Variants in MLYCD observed in about 807,000 individuals in gnomAD.
MLYCD encodes malonyl-CoA decarboxylase.
Under a neutral mutation model 35.8 loss-of-function variants are expected in MLYCD, and 27 were observed. The observed-to-expected ratio is 0.75, with a 90% CI of 0.56 to 1.04. MLYCD has a LOEUF of 1.04. Ranked by LOEUF, MLYCD falls within the 50% of genes least tolerant of loss-of-function variation. MLYCD has a pLI of 0.00. For missense variants in MLYCD, 917 were observed against 665.1 expected (o/e 1.38, Z -4.17); for synonymous variants, 403 against 302.4 (o/e 1.33, Z -3.45).
At chr16:83,899,924 AG>A (rs1379008439) in intron 1 of MLYCD, among the ~76,000 whole-genome samples, 16 of 152,346 alleles carry the variant, frequency 1.1e-4, no homozygotes, top group African/African-American at 3.8e-4. Context: ...CTAAATACTC[AG>A]CACTTGGTGG....
chr16:83,915,776 G>C lies in MLYCD; in HGVS notation c.*287G>C. 2.3e-6 allele frequency: 3 copies of C among 1,321,746 alleles called. No homozygotes were observed. Among genetic ancestry groups the C allele is most frequent in the Non-Finnish European group, 2.9e-6 (3 of 1,028,336 alleles). The allele number at this position is 1,321,746 out of a possible 1,614,324, so 81.9% of individuals were successfully genotyped here. A position where few individuals can be genotyped will look rare whatever the true frequency, so the allele number is the denominator to read the frequency against. On this transcript the variant is annotated 3_prime_UTR_variant, in exon 5 of 5. Coordinates refer to ENST00000262430, the MANE Select transcript of MLYCD (RefSeq NM_012213.3). ...GCCCTTGGCCTGGCTCCCTGCCCGG[G>C]GCTGGTGCTGTGGTACCTACATCTT... is the stretch of plus-strand genomic sequence containing the variant.
In MLYCD at chr16:83,917,366, T is replaced by TGTGCATGTGCACAC. The variant is rs1381204674; in HGVS notation, c.*1889_*1902dup. ...GAGCGTCTCTGGATCAGTGCACGTC[T>TGTGCATGTGCACAC]GTGCATGTGCACACGTGCATGTGCA... On this transcript the variant is annotated 3_prime_UTR_variant, in exon 5 of 5. Transcript: ENST00000262430. The TGTGCATGTGCACAC allele has an allele frequency of 1.9e-5, 3 of 154,546 alleles. No homozygotes were observed. Among genetic ancestry groups the TGTGCATGTGCACAC allele is most frequent in the Admixed American group, 1.3e-4 (2 of 15,298 alleles). 9.6% of individuals were successfully genotyped at this position (154,546 alleles called of 1,614,324 possible).
intron 4 of MLYCD, chr16:83,912,586 C>A: frequency 1.6e-6 from 1 of 612,540 alleles, no homozygotes; most frequent in Non-Finnish European, 2.9e-6. Flanking sequence ...TCCAACCCAG[C>A]TGCCCAGTTG....
intron 3 of MLYCD, among the ~76,000 whole-genome samples, chr16:83,909,396 G>T (rs531393189): frequency 6.6e-6 from 1 of 152,192 alleles, no homozygotes; most frequent in Non-Finnish European, 1.5e-5. Flanking sequence ...GTGTACATCA[G>T]ATATCTGTGC....
At position 83,912,501 on chromosome 16, in the gene MLYCD, G is replaced by T. The variant is rs79878226; in HGVS notation, c.948+134G>T. 3,963 of 1,262,352 alleles carry T rather than the reference G, an allele frequency of 3.1e-3. 60 individuals are homozygous for T. The African/African-American group carries it at 0.04, about 13-fold the overall frequency. 78.2% of individuals were successfully genotyped at this position (1,262,352 alleles called of 1,614,324 possible). ...AAAGGGAGGGGCAGGGGGTAGAAAA[G>T]GTGCCAGAGACCCCTTGGCAACTCC... On this transcript the variant is annotated intron_variant, in intron 4 of 4. Coordinates refer to ENST00000262430, the MANE Select transcript of MLYCD (RefSeq NM_012213.3).
At position 83,915,228 on chromosome 16, in the gene MLYCD, T is replaced by C; in HGVS notation, c.1221T>C (p.Tyr407=). 2.5e-6 allele frequency: 4 copies of C among 1,613,650 alleles called. No individual in the cohort carries two copies. Among genetic ancestry groups the C allele is most frequent in the Non-Finnish European group, 3.4e-6 (4 of 1,179,598 alleles). ...PLMRLCAWYL[Y]GEKHRGYALN... is the part of the protein sequence containing the mutation. Reference sequence around the variant, plus strand: ...TGAGGCTGTGCGCCTGGTACCTGTATGGAGAGAAGCACCGCGGCTACGCGC... The same window carrying C: ...TGAGGCTGTGCGCCTGGTACCTGTACGGAGAGAAGCACCGCGGCTACGCGC... Residue 407 remains tyrosine (Y), a synonymous_variant, in exon 5 of 5, where the codon TAT becomes TAC. Transcript: ENST00000262430.
Position 83,915,315 on chromosome 16 carries a change from G to A in MLYCD, c.1308G>A (p.Met436Ile). ...NGAVLWRINW[M>I]ADVSLRGITG... ...CGGTGCTGTGGCGCATCAACTGGATGGCGGATGTGAGCCTCAGAGGCATCA... is the reference window on the plus strand; with the variant it reads ...CGGTGCTGTGGCGCATCAACTGGATAGCGGATGTGAGCCTCAGAGGCATCA... Residue 436 changes from methionine to isoleucine, a missense_variant, in exon 5 of 5, where the codon ATG (methionine) becomes ATA (isoleucine). Physicochemically the swap from Met to Ile is conservative, Grantham distance 10. Transcript: ENST00000262430. The A allele has an allele frequency of 6.2e-7, 1 of 1,614,008 alleles. No homozygotes were observed. Among genetic ancestry groups the A allele is most frequent in the Non-Finnish European group, 8.5e-7 (1 of 1,179,982 alleles).
chr16:83,904,213 A>G (rs1014599906), intron 1 of MLYCD, among the ~76,000 whole-genome samples: 4 of 152,300 alleles, frequency 2.6e-5, no homozygotes, highest in Non-Finnish European at 4.4e-5. Context: ...TAAGACAGAT[A>G]CCAGTACCTC....
In MLYCD at chr16:83,926,199, G is replaced by C. The variant is rs1364248564; in HGVS notation, c.*10710G>C. 1 of 152,408 alleles carries C rather than the reference G, an allele frequency of 6.6e-6. No homozygotes were observed. The highest frequency in any genetic ancestry group is 1.5e-5 in the Non-Finnish European group (1 of 68,206). 9.4% of individuals were successfully genotyped at this position (152,408 alleles called of 1,614,324 possible). ...CCCTGCCGCTGGGGGTGCTGTGTGG[G>C]AACAGAGCACAGGCCCTCCCTCCCA... On this transcript the variant is annotated 3_prime_UTR_variant, in exon 5 of 5. Coordinates refer to ENST00000262430, the MANE Select transcript of MLYCD (RefSeq NM_012213.3).
Position 83,915,982 on chromosome 16 carries a change from C to T in MLYCD, c.*493C>T, listed in dbSNP as rs2151060491. 1 of 1,020,888 alleles carries T rather than the reference C, an allele frequency of 9.8e-7. No homozygotes were observed. The highest frequency in any genetic ancestry group is 8.4e-5 in the East Asian group (1 of 11,942). 63.2% of individuals were successfully genotyped at this position (1,020,888 alleles called of 1,614,324 possible). ...CAGAGGGACAAAGGGCTGTGCTACA[C>T]TTCCCAGTTACATTCTGAAGCTCAT... On this transcript the variant is annotated 3_prime_UTR_variant, in exon 5 of 5. Coordinates refer to ENST00000262430, the MANE Select transcript of MLYCD (RefSeq NM_012213.3).
intron 2 of MLYCD, among the ~76,000 whole-genome samples, chr16:83,907,583 C>T (rs1229686869): frequency 6.6e-6 from 1 of 152,198 alleles, no homozygotes; most frequent in Non-Finnish European, 1.5e-5. Flanking sequence ...GCCTTCACTA[C>T]CTTTGCACGT....
At chr16:83,914,721 G>C in intron 4 of MLYCD, 1 of 553,150 alleles carries the variant, frequency 1.8e-6, no homozygotes, top group East Asian at 3.5e-5. Context: ...GGAGGCTGCA[G>C]TGAGCCATGA....
At position 83,919,590 on chromosome 16, in the gene MLYCD, A is replaced by T. The variant is rs1907576514; in HGVS notation, c.*4101A>T. ...ACACGGTGATCAGAACACACAGTGC[A>T]CAGGAGAACACACAGTGCACAGAAC... On this transcript the variant is annotated 3_prime_UTR_variant, in exon 5 of 5. Transcript: ENST00000262430. 1 of 152,632 alleles carries T rather than the reference A, an allele frequency of 6.6e-6. No individual in the cohort carries two copies. Among genetic ancestry groups the T allele is most frequent in the Admixed American group, 6.6e-5 (1 of 15,242 alleles). 9.5% of individuals were successfully genotyped at this position (152,632 alleles called of 1,614,324 possible). A position where few individuals can be genotyped will look rare whatever the true frequency, so the allele number is the denominator to read the frequency against.
In MLYCD at chr16:83,908,066, T is replaced by C. The variant is rs138973136; in HGVS notation, c.642-60T>C. On this transcript the variant is annotated intron_variant, in intron 2 of 4. Coordinates refer to ENST00000262430, the MANE Select transcript of MLYCD (RefSeq NM_012213.3). ...CTTAGACGAATAGTATGAATAGGAG[T>C]CAGCAGCCGTTGCTTGTGAATTATG... 287 of 1,600,436 alleles carry C rather than the reference T, an allele frequency of 1.8e-4. No homozygotes were observed. In the African/African-American group the frequency reaches 3.6e-3, roughly 20 times the overall value.
intron 3 of MLYCD, among the ~76,000 whole-genome samples, chr16:83,908,700 T>C (rs1359701562): frequency 2.0e-5 from 3 of 152,240 alleles, no homozygotes; most frequent in Admixed American, 6.5e-5. Context: ...CCATCCCTTA[T>C]GCTTGATGTG....
chr16:83,901,713 G>C (rs955202986), intron 1 of MLYCD, among the ~76,000 whole-genome samples: 6 of 152,194 alleles, frequency 3.9e-5, no homozygotes, highest in African/African-American at 1.4e-4. Context: ...GGCAACTGAA[G>C]ACACTCACAT....
rs143161498 is a variant in MLYCD, at chr16:83,901,893, T to G, written c.528+2221T>G. On this transcript the variant is annotated intron_variant, in intron 1 of 4. Transcript: ENST00000262430. ...AAAAGTCCTGTGGACCAGAGGTGTT[T>G]ATCAAACAGAATGAATAACGACAGT... Among the ~76,000 whole-genome samples the G allele has an allele frequency of 6.5e-3, 992 of 152,256 alleles. 6 individuals carry two copies. Among genetic ancestry groups the G allele is most frequent in the Middle Eastern group, 0.014 (4 of 292 alleles).
At chr16:83,902,155 GTATATATATATATATATATA>G (rs386385269) in intron 1 of MLYCD, among the ~76,000 whole-genome samples, 2 of 87,330 alleles carry the variant, frequency 2.3e-5, no homozygotes, top group African/African-American at 9.1e-5. Context: ...GTGTGCGTGC[GTATATATATATATATATATA>G]TATATATATA....
rs1470537646 is a variant in MLYCD at position 83,917,325 on chromosome 16, CTGTG to C, written c.*1839_*1842del. 1 of 154,136 alleles carries C rather than the reference CTGTG, an allele frequency of 6.5e-6. No homozygotes were observed. The highest frequency in any genetic ancestry group is 6.5e-5 in the Admixed American group (1 of 15,276). The allele number at this position is 154,136 out of a possible 1,614,324, so 9.5% of individuals were successfully genotyped here. A position where few individuals can be genotyped will look rare whatever the true frequency, so the allele number is the denominator to read the frequency against. On this transcript the variant is annotated 3_prime_UTR_variant, in exon 5 of 5. Coordinates refer to ENST00000262430, the MANE Select transcript of MLYCD (RefSeq NM_012213.3). ...AGCATCTGTGTGTGTCAGTGCACGTCTGTGTGCGTGTGCACGAGCGTCTCTGGAT... is the reference window on the plus strand; with the variant it reads ...AGCATCTGTGTGTGTCAGTGCACGTCTGCGTGTGCACGAGCGTCTCTGGAT...
Sources: gnomAD v4.1 joint callset for allele counts (sites outside exome capture counted in the v4.1 genomes callset) on GRCh38, gnomAD v4.1.1 for gene constraint, MANE v1.5 for transcripts, NCBI Gene and HGNC (gene_info 2026-07-23, HGNC 2026-07-21) for gene names.